LRP1B: variants seen among roughly 807,000 people sequenced by gnomAD.
The protein encoded by LRP1B is LDL receptor related protein 1B, also known as low-density lipoprotein receptor-related protein 1B.
Under a neutral mutation model 556.6 loss-of-function variants are expected in LRP1B, and 217 were observed. That is an observed-to-expected ratio of 0.39 (90% CI 0.35 to 0.44). The LOEUF is 0.44. LRP1B is among the 20% of genes least tolerant of loss of function. The probability of loss-of-function intolerance (pLI) is 1.00; values close to 1 mark genes in which losing one functional copy is unlikely to be tolerated. For synonymous variants in LRP1B, 2,047 were observed against 1,865.8 expected (o/e 1.10, Z -2.50); for missense variants, 5,053 against 5,620.8 (o/e 0.90, Z 3.23).
At chr2:141,928,154 C>T (rs977679015) in intron 1 of LRP1B, among the ~76,000 whole-genome samples, 2 of 152,138 alleles carry the variant, frequency 1.3e-5, no homozygotes, top group African/African-American at 4.8e-5. Context: ...ACATGCCCTG[C>T]AACTTGCCAC....
intron 29 of LRP1B, among the ~76,000 whole-genome samples, chr2:140,845,231 C>A (rs1287305201): frequency 6.6e-6 from 1 of 152,112 alleles, no homozygotes; most frequent in African/African-American, 2.4e-5. Context: ...TATGAGAAAT[C>A]CACTGTGCTA....
intron 35 of LRP1B, among the ~76,000 whole-genome samples, chr2:140,719,645 G>A (rs1348005258): frequency 6.6e-6 from 1 of 151,914 alleles, no homozygotes; most frequent in Non-Finnish European, 1.5e-5. Flanking sequence ...TCTCAATATA[G>A]TCACATGTAC....
chr2:141,022,149 T>G (rs1698082606), intron 11 of LRP1B, among the ~76,000 whole-genome samples: 1 of 151,666 alleles, frequency 6.6e-6, no homozygotes, highest in South Asian at 2.1e-4. Context: ...AAATAATATA[T>G]AATGATTATT....
intron 1 of LRP1B, among the ~76,000 whole-genome samples, chr2:142,102,628 TAA>T (rs1706609434): frequency 6.6e-6 from 1 of 151,556 alleles, no homozygotes. Context: ...CTACTGAAAA[TAA>T]AAGTTAGAAT....
At chr2:141,917,421 A>AAAGC (rs1700067186) in intron 1 of LRP1B, among the ~76,000 whole-genome samples, 3 of 152,204 alleles carry the variant, frequency 2.0e-5, no homozygotes, top group African/African-American at 7.2e-5. Context: ...ACATTGAGCT[A>AAAGC]CTGTAATGAG....
chr2:141,275,471 G>A (rs879847741), intron 3 of LRP1B, among the ~76,000 whole-genome samples: 10 of 152,250 alleles, frequency 6.6e-5, no homozygotes, highest in Non-Finnish European at 7.4e-5. Flanking sequence ...CACTTTGGGC[G>A]GCCAAGGCGA....
intron 2 of LRP1B, among the ~76,000 whole-genome samples, chr2:141,792,872 C>T (rs1424425957): frequency 6.6e-6 from 1 of 151,802 alleles, no homozygotes; most frequent in Non-Finnish European, 1.5e-5. Context: ...ATCAATTATT[C>T]CAAAGATTAA....
chr2:141,915,604 A>G (rs1464726817), intron 1 of LRP1B, among the ~76,000 whole-genome samples: 1 of 152,186 alleles, frequency 6.6e-6, no homozygotes, highest in Non-Finnish European at 1.5e-5. Context: ...TAAGCTAAAG[A>G]GCTACTGCAC....
intron 4 of LRP1B, among the ~76,000 whole-genome samples, chr2:141,250,999 T>G (rs1045682699): frequency 2.6e-5 from 4 of 152,208 alleles, no homozygotes; most frequent in Non-Finnish European, 5.9e-5. Context: ...CTACTAAGTC[T>G]TCAGTAAAAC....
At chr2:141,832,327 TCACACACACACACACACACA>T in intron 1 of LRP1B, among the ~76,000 whole-genome samples, 1 of 143,966 alleles carries the variant, frequency 6.9e-6, no homozygotes, top group Non-Finnish European at 1.5e-5. Flanking sequence ...TCTTTCTCTC[TCACACACACACACACACACA>T]CACACACACA....
chr2:141,379,423 T>C (rs1689558707), intron 3 of LRP1B, among the ~76,000 whole-genome samples: 1 of 152,200 alleles, frequency 6.6e-6, no homozygotes, highest in South Asian at 2.1e-4. Context: ...CTACAGACTC[T>C]TCCATTACCC....
At chr2:141,512,806 A>C (rs1333368289) in intron 2 of LRP1B, among the ~76,000 whole-genome samples, 6 of 152,124 alleles carry the variant, frequency 3.9e-5, no homozygotes, top group Non-Finnish European at 7.4e-5. Flanking sequence ...GTAATTGACC[A>C]AGGACAGATC....
At chr2:141,916,673 C>T (rs1043979002) in intron 1 of LRP1B, among the ~76,000 whole-genome samples, 16 of 151,840 alleles carry the variant, frequency 1.1e-4, no homozygotes, top group African/African-American at 2.9e-4. Context: ...TGAGCCACCG[C>T]GCCCGGCCCC....
intron 76 of LRP1B, among the ~76,000 whole-genome samples, chr2:140,352,684 C>A (rs775749090): frequency 6.6e-6 from 1 of 152,026 alleles, no homozygotes; most frequent in African/African-American, 2.4e-5. Context: ...ATCACACTGG[C>A]TTTTAAAATT....
At chr2:141,605,443 T>C (rs1039664888) in intron 2 of LRP1B, among the ~76,000 whole-genome samples, 1 of 152,160 alleles carries the variant, frequency 6.6e-6, no homozygotes, top group Non-Finnish European at 1.5e-5. Context: ...GGCAGAATTA[T>C]GTAAGTCCTG....
intron 41 of LRP1B, among the ~76,000 whole-genome samples, chr2:140,618,190 C>A (rs1683324749): frequency 1.3e-5 from 2 of 151,654 alleles, no homozygotes; most frequent in South Asian, 4.1e-4. Context: ...AAGAAGGAAA[C>A]ACACTTTGCT....
chr2:141,342,304 G>T (rs1688096981), intron 3 of LRP1B, among the ~76,000 whole-genome samples: 1 of 116,922 alleles, frequency 8.6e-6, no homozygotes, highest in African/African-American at 3.4e-5. Context: ...TAAATAAAAG[G>T]TATCATAACC....
rs916066452 is a variant in LRP1B, at chr2:140,800,240, G to A, written c.5359+13417C>T. Among the ~76,000 whole-genome samples the A allele has an allele frequency of 2.0e-5, 3 of 152,190 alleles. No individual in the cohort carries two copies. In the South Asian group the frequency reaches 6.2e-4, roughly 32 times the overall value. ...AGGAAGGGGAACATCACACACTGGG[G>A]CCTGTCATAGGGGAGGAGGAGCGGG... On this transcript the variant is annotated intron_variant, in intron 32 of 90. Transcript: ENST00000389484.
intron 2 of LRP1B, among the ~76,000 whole-genome samples, chr2:141,685,163 A>G (rs1170521366): frequency 6.6e-6 from 1 of 151,998 alleles, no homozygotes. Context: ...TAACTTACAT[A>G]TCATTCCTGT....
Sources: allele counts gnomAD v4.1 joint callset (sites outside exome capture counted in the v4.1 genomes callset), GRCh38; gene constraint gnomAD v4.1.1; transcripts MANE v1.5; gene names NCBI Gene and HGNC (gene_info 2026-07-23, HGNC 2026-07-21).